Variants in SLC25A13 observed in about 807,000 individuals in gnomAD.
The protein encoded by SLC25A13 is electrogenic aspartate/glutamate antiporter SLC25A13, mitochondrial.
Under a neutral mutation model 85.5 loss-of-function variants are expected in SLC25A13, and 70 were observed. The ratio of observed to expected loss-of-function variants is 0.82; its 90% CI spans 0.68 to 1.00. The LOEUF is 1.00. Among genes scored for constraint, SLC25A13 ranks in the 50% least tolerant of loss-of-function variants. The probability of loss-of-function intolerance (pLI) is 0.00; values close to 1 mark genes in which losing one functional copy is unlikely to be tolerated. For missense variants in SLC25A13, 765 were observed against 819.8 expected (o/e 0.93, Z 0.82); for synonymous variants, 259 against 288.7 (o/e 0.90, Z 1.04).
intron 11 of SLC25A13, among the ~76,000 whole-genome samples, chr7:96,178,059 C>G (rs1794292037): frequency 6.6e-6 from 1 of 152,170 alleles, no homozygotes; most frequent in South Asian, 2.1e-4. Flanking sequence ...GCCCATGTAG[C>G]AGGCATCCAC....
chr7:96,212,607 A>C (rs566362763), intron 4 of SLC25A13, among the ~76,000 whole-genome samples: 1 of 152,320 alleles, frequency 6.6e-6, no homozygotes, highest in East Asian at 1.9e-4. Context: ...AATGGCATGA[A>C]GAAAGGTTCA....
At chr7:96,179,653 C>G (rs936163988) in intron 11 of SLC25A13, among the ~76,000 whole-genome samples, 1 of 152,152 alleles carries the variant, frequency 6.6e-6, no homozygotes, top group Non-Finnish European at 1.5e-5. Context: ...ATTTTTATAG[C>G]TTAATGCTCT....
At chr7:96,191,300 T>C (rs1470099531) in intron 6 of SLC25A13, 53 bp from the exon 7 acceptor site, 2 of 1,591,410 alleles carry the variant, frequency 1.3e-6, no homozygotes, top group African/African-American at 1.3e-5. Context: ...GATTTATAGA[T>C]GATTCAGAAG....
At chr7:96,321,814 G>T in intron 1 of SLC25A13, 128 bp downstream of exon 1, 1 of 1,233,432 alleles carries the variant, frequency 8.1e-7, no homozygotes, top group South Asian at 1.6e-5. Flanking sequence ...CCGCAAGGTG[G>T]AACGGCTGCC....
At chr7:96,275,742 C>T (rs1225624163) in intron 3 of SLC25A13, among the ~76,000 whole-genome samples, 4 of 143,908 alleles carry the variant, frequency 2.8e-5, no homozygotes, top group African/African-American at 1.0e-4. Flanking sequence ...GTTGTGGGGT[C>T]GGGGGAGTGG....
intron 3 of SLC25A13, among the ~76,000 whole-genome samples, chr7:96,241,875 T>C (rs1562871512): frequency 6.6e-6 from 1 of 152,174 alleles, no homozygotes; most frequent in East Asian, 1.9e-4. Context: ...CTCCAGTTCT[T>C]CTCCTCCTCT....
intron 1 of SLC25A13, 37 bp downstream of exon 1, chr7:96,321,905 G>C (rs1800362854): frequency 6.6e-7 from 1 of 1,524,550 alleles, no homozygotes. Context: ...GGCTGATCCG[G>C]CAGGCGCGCT....
At chr7:96,192,682 CTA>C (rs750518782) in intron 6 of SLC25A13, among the ~76,000 whole-genome samples, 6,464 of 56,694 alleles carry the variant, frequency 0.11, 182 homozygotes, top group Middle Eastern at 0.23. Flanking sequence ...TACATGTGCA[CTA>C]TTTTTTTTTT....
chr7:96,239,959 G>C (rs1459530931), intron 3 of SLC25A13, among the ~76,000 whole-genome samples: 1 of 152,158 alleles, frequency 6.6e-6, no homozygotes, highest in East Asian at 1.9e-4. Flanking sequence ...AAAGTGAATT[G>C]CATCTGTATG....
At chr7:96,209,194 A>G (rs1201187901) in intron 4 of SLC25A13, among the ~76,000 whole-genome samples, 3 of 152,248 alleles carry the variant, frequency 2.0e-5, no homozygotes, top group African/African-American at 4.8e-5. Context: ...AAAGGGGGGG[A>G]AAATCAAGAA....
At chr7:96,181,538 CATA>C (rs1389678746) in intron 11 of SLC25A13, among the ~76,000 whole-genome samples, 1 of 152,134 alleles carries the variant, frequency 6.6e-6, no homozygotes, top group African/African-American at 2.4e-5. Flanking sequence ...TTATTAACCT[CATA>C]ATAAGATCGC....
intron 3 of SLC25A13, among the ~76,000 whole-genome samples, chr7:96,248,897 T>C (rs1797308389): frequency 6.6e-6 from 1 of 152,230 alleles, no homozygotes; most frequent in African/African-American, 2.4e-5. Context: ...GATTAAGACA[T>C]TCTACAATTT....
At chr7:96,226,062 A>G (rs1796319478) in intron 4 of SLC25A13, among the ~76,000 whole-genome samples, 1 of 152,020 alleles carries the variant, frequency 6.6e-6, no homozygotes, top group Admixed American at 6.5e-5. Flanking sequence ...CCCTTAATAG[A>G]TTTTTAAGTG....
At chr7:96,144,275 T>A (rs1792687327) in intron 14 of SLC25A13, among the ~76,000 whole-genome samples, 1 of 152,124 alleles carries the variant, frequency 6.6e-6, no homozygotes, top group South Asian at 2.1e-4. Context: ...ATACAAGAGC[T>A]AATCAGACTG....
intron 10 of SLC25A13, 129 bp from the exon 11 acceptor site, chr7:96,184,564 CAG>C (rs1459021699): frequency 1.2e-6 from 1 of 852,582 alleles, no homozygotes; most frequent in Non-Finnish European, 1.9e-6. Flanking sequence ...GATTTTAAAA[CAG>C]TACTACCTTT....
rs547105906 is a variant in SLC25A13 at position 96,215,038 on chromosome 7, A to C, written c.329-6061T>G. ...AAATCCTGGTTGGCTTGTTTGCAAA[A>C]ATTGGCAAACTGATCCAACAATCCA... On this transcript the variant is annotated intron_variant, in intron 4 of 17. Coordinates refer to ENST00000265631, the MANE Select transcript of SLC25A13 (RefSeq NM_014251.3). Among the ~76,000 whole-genome samples the C allele has an allele frequency of 4.4e-4, 67 of 152,174 alleles. 1 individual carries two copies. Among genetic ancestry groups the C allele is most frequent in the Non-Finnish European group, 5.6e-4 (38 of 68,036 alleles).
Position 96,184,297 on chromosome 7 carries a change from C to T in SLC25A13, c.1157G>A (p.Gly386Asp). ...DCFKKVLRYE[G>D]FFGLYRGLLP... ...CTAACCTCTATACAGTCCAAAGAAG[C>T]CTTCATAGCGTAGCACTTTCTTAAA... The change falls in exon 11 of 18, where the codon GGC becomes GAC. Residue 386 changes from glycine (G) to aspartate (D), a missense_variant. Gly to Asp is a moderately conservative substitution (Grantham distance 94). Coordinates refer to ENST00000265631, the MANE Select transcript of SLC25A13 (RefSeq NM_014251.3). 6.2e-7 allele frequency: 1 copy of T among 1,614,110 alleles called. No individual in the cohort carries two copies.
chr7:96,211,939 A>G (rs147509938), intron 4 of SLC25A13, among the ~76,000 whole-genome samples: 2,236 of 152,302 alleles, frequency 0.015, 53 homozygotes, highest in African/African-American at 0.051. Flanking sequence ...AGGGTCCAGG[A>G]CCTCATTCTG....
At chr7:96,260,239 C>T (rs1446199730) in intron 3 of SLC25A13, among the ~76,000 whole-genome samples, 1 of 151,870 alleles carries the variant, frequency 6.6e-6, no homozygotes, top group African/African-American at 2.4e-5. Flanking sequence ...AGCAGAGCAA[C>T]TGATTCCAGG....
Sources: allele counts gnomAD v4.1 joint callset (sites outside exome capture counted in the v4.1 genomes callset), GRCh38; gene constraint gnomAD v4.1.1; transcripts MANE v1.5; gene names NCBI Gene and HGNC (gene_info 2026-07-23, HGNC 2026-07-21).